TMEM11: variants seen among roughly 807,000 people sequenced by gnomAD.
TMEM11 encodes the protein transmembrane protein 11.
A neutral mutation model predicts 17.0 loss-of-function variants in TMEM11; 1 was observed. The ratio of observed to expected loss-of-function variants is 0.06; its 90% confidence interval spans 0.02 to 0.28. The LOEUF (loss-of-function observed/expected upper bound fraction) is 0.28. Among genes scored for constraint, TMEM11 ranks in the 10% least tolerant of loss-of-function variants. The probability of loss-of-function intolerance (pLI) is 1.00; values close to 1 mark genes in which losing one functional copy is unlikely to be tolerated. For synonymous variants in TMEM11, 122 were observed against 118.1 expected (o/e 1.03, Z -0.21); for missense variants, 172 against 252.9 (o/e 0.68, Z 2.17).
intron 1 of TMEM11, chr17:21,213,202 G>A (rs1398128913): frequency 6.6e-6 from 1 of 152,134 alleles, no homozygotes; most frequent in East Asian, 1.9e-4. Context: ...CTTTTTTGCT[G>A]ACCGCTGCTA....
At chr17:21,204,096 A>T (rs1974914655) in intron 1 of TMEM11, among the ~76,000 whole-genome samples, 1 of 145,246 alleles carries the variant, frequency 6.9e-6, no homozygotes, top group African/African-American at 2.6e-5. Context: ...ATGACCAGTA[A>T]GAGAGCAATT....
In TMEM11 at chr17:21,200,043, T is replaced by TC. The variant is rs539983113; in HGVS notation, c.63-1204dup. 1.8e-3 allele frequency among the ~76,000 whole-genome samples: 271 copies of TC among 151,896 alleles called. 1 individual carries two copies. The highest frequency in any genetic ancestry group is 9.5e-3 in the East Asian group (49 of 5,148). ...GCCACGGAGACCACACAAGGGGCTT[T>TC]CCCCCCCGGGACTGGGGATGCATGT... On this transcript the variant is annotated intron_variant, in intron 1 of 1. Transcript: ENST00000317635.
intron 1 of TMEM11, among the ~76,000 whole-genome samples, chr17:21,200,867 C>T (rs553062272): frequency 1.3e-4 from 20 of 152,272 alleles, no homozygotes; most frequent in Non-Finnish European, 2.2e-4. Context: ...GGCCATTGGC[C>T]GTAATATGGG....
At chr17:21,204,827 G>A (rs1343409909) in intron 1 of TMEM11, among the ~76,000 whole-genome samples, 1 of 152,120 alleles carries the variant, frequency 6.6e-6, no homozygotes, top group Non-Finnish European at 1.5e-5. Context: ...AACACATCAT[G>A]CCAGCACTGA....
At chr17:21,201,313 C>T (rs1487120725) in intron 1 of TMEM11, among the ~76,000 whole-genome samples, 2 of 152,276 alleles carry the variant, frequency 1.3e-5, no homozygotes, top group East Asian at 1.9e-4. Context: ...GTAACTAAGC[C>T]AGGCTAAGGC....
At position 21,198,051 on chromosome 17, in the gene TMEM11, C is replaced by T. The variant is rs1222862965; in HGVS notation, c.*273G>A. ...AAAGACCTCCCCCAAAGCACGTCCA[C>T]ACCCCCTCGGCAGCGTCTGCCTCCA... On this transcript the variant is annotated 3_prime_UTR_variant, in exon 2 of 2. Transcript: ENST00000317635. This position sits in a 1 kb window ranked among gnomAD's most constrained non-coding sequence, Gnocchi z 6.5. 5 of 421,552 alleles carry T rather than the reference C, an allele frequency of 1.2e-5. No individual in the cohort carries two copies. Among genetic ancestry groups the T allele is most frequent in the Non-Finnish European group, 2.1e-5 (5 of 236,270 alleles). The allele number at this position is 421,552 out of a possible 1,614,324, so 26.1% of individuals were successfully genotyped here. A position where few individuals can be genotyped will look rare whatever the true frequency, so the allele number is the denominator to read the frequency against.
intron 1 of TMEM11, among the ~76,000 whole-genome samples, chr17:21,209,716 C>T (rs1974982166): frequency 6.6e-6 from 1 of 152,126 alleles, no homozygotes; most frequent in Non-Finnish European, 1.5e-5. Context: ...TTGCAGAGAT[C>T]CGAGATCATA....
At chr17:21,199,928 C>T (rs1974864655) in intron 1 of TMEM11, among the ~76,000 whole-genome samples, 1 of 152,250 alleles carries the variant, frequency 6.6e-6, no homozygotes, top group Admixed American at 6.5e-5. Context: ...GGCTTCAAAA[C>T]ATCCAGCCCA....
At position 21,203,991 on chromosome 17, in the gene TMEM11, C is replaced by CTT. The variant is rs368733534; in HGVS notation, c.63-5153_63-5152dup. Among the ~76,000 whole-genome samples the CTT allele has an allele frequency of 4.6e-3, 496 of 107,642 alleles. 17 individuals carry two copies. The East Asian group carries it at 0.052, about 11-fold the overall frequency. The allele number at this position is 107,642 out of a possible 152,430, so 70.6% of individuals were successfully genotyped here. A position where few individuals can be genotyped will look rare whatever the true frequency, so the allele number is the denominator to read the frequency against. On this transcript the variant is annotated intron_variant, in intron 1 of 1. Coordinates refer to ENST00000317635, the MANE Select transcript of TMEM11 (RefSeq NM_003876.3). ...TTTTTTTTTTTTTAAATTATATGGACTTTTTTTTTTTTTTTTAAGTAAGAG... is the reference window on the plus strand; with the variant it reads ...TTTTTTTTTTTTTAAATTATATGGACTTTTTTTTTTTTTTTTTTAAGTAAGAG...
At chr17:21,205,209 C>T (rs930751144) in intron 1 of TMEM11, among the ~76,000 whole-genome samples, 2 of 152,138 alleles carry the variant, frequency 1.3e-5, no homozygotes, top group Non-Finnish European at 2.9e-5. Flanking sequence ...GAGGCGTCTC[C>T]CCAAAAGGCA....
intron 1 of TMEM11, chr17:21,213,705 G>C (rs1975028305): frequency 4.4e-6 from 1 of 227,340 alleles, no homozygotes; most frequent in Admixed American, 5.5e-5. Flanking sequence ...GTCTGGGGCC[G>C]CGGCCGAGAT....
chr17:21,213,446 C>A (rs1260011087), intron 1 of TMEM11: 1 of 152,272 alleles, frequency 6.6e-6, no homozygotes, highest in Admixed American at 6.5e-5. Flanking sequence ...GCTCCCTGCC[C>A]ACACACCATT....
At chr17:21,212,344 AAGCTGAC>A (rs2144313779) in intron 1 of TMEM11, among the ~76,000 whole-genome samples, 2 of 152,118 alleles carry the variant, frequency 1.3e-5, no homozygotes, top group South Asian at 4.2e-4. Flanking sequence ...GCATTGAGTC[AAGCTGAC>A]AGGTGATTTG....
chr17:21,202,090 G>A (rs1330348372), intron 1 of TMEM11, among the ~76,000 whole-genome samples: 5 of 152,192 alleles, frequency 3.3e-5, no homozygotes, highest in Non-Finnish European at 5.9e-5. Flanking sequence ...CTGGGTGTGC[G>A]GGGAGGGGCG....
Position 21,212,972 on chromosome 17 carries a change from A to G in TMEM11, c.62+1119T>C, listed in dbSNP as rs527409851. ...GCAACGCTGGATAACTGGGCTAAAG[A>G]ATAAAGTGCAAGCAAGCTAAAGGAT... On this transcript the variant is annotated intron_variant, in intron 1 of 1. Transcript: ENST00000317635. Among the ~76,000 whole-genome samples, 5 of 152,362 alleles carry G rather than the reference A, an allele frequency of 3.3e-5. No individual in the cohort carries two copies. In the South Asian group the frequency reaches 1.0e-3, roughly 32 times the overall value.
chr17:21,212,843 T>C (rs111253411), intron 1 of TMEM11, among the ~76,000 whole-genome samples: 3,852 of 151,614 alleles, frequency 0.025, 157 homozygotes, highest in African/African-American at 0.087. Flanking sequence ...CTGAAAACCA[T>C]TGAGGTAACT....
At chr17:21,200,264 G>A (rs1383570002) in intron 1 of TMEM11, among the ~76,000 whole-genome samples, 1 of 152,198 alleles carries the variant, frequency 6.6e-6, no homozygotes, top group East Asian at 1.9e-4. Context: ...ACCTGTGGCG[G>A]GCAGGCCTGA....
At chr17:21,214,052 AG>A (rs1180881481) in intron 1 of TMEM11, 38 bp downstream of exon 1, 2 of 1,584,272 alleles carry the variant, frequency 1.3e-6, no homozygotes, top group African/African-American at 2.7e-5. Flanking sequence ...CCGGCCGCTG[AG>A]CCGCCTGCAC....
intron 1 of TMEM11, among the ~76,000 whole-genome samples, chr17:21,201,183 T>C (rs939429853): frequency 2.0e-5 from 3 of 152,228 alleles, no homozygotes; most frequent in Admixed American, 6.5e-5. Context: ...TCATTGGTAA[T>C]GGGCTGACTG....
Sources: allele counts gnomAD v4.1 joint callset (sites outside exome capture counted in the v4.1 genomes callset), GRCh38; gene constraint gnomAD v4.1.1; non-coding constraint Gnocchi (gnomAD v3.1); transcripts MANE v1.5; gene names NCBI Gene and HGNC (gene_info 2026-07-23, HGNC 2026-07-21).